Variants in CEBPG observed in about 807,000 individuals in gnomAD.
CEBPG encodes the protein CCAAT/enhancer-binding protein gamma.
CEBPG carries 6 observed loss-of-function variants against 11.1 expected under a neutral mutation model. The ratio of observed to expected loss-of-function variants is 0.54; its 90% CI spans 0.30 to 1.07. The LOEUF is 1.07. Among genes scored for constraint, CEBPG ranks in the 50% least tolerant of loss-of-function variants. The pLI is 0.07. For synonymous variants in CEBPG, 66 were observed against 71.0 expected (o/e 0.93, Z 0.36); for missense variants, 161 against 187.4 (o/e 0.86, Z 0.82).
chr19:33,377,026 C>A (rs2145310122), intron 1 of CEBPG, among the ~76,000 whole-genome samples: 1 of 152,320 alleles, frequency 6.6e-6, no homozygotes, highest in East Asian at 1.9e-4. Flanking sequence ...TCTTTTCAGG[C>A]CAAAGGGCTT....
chr19:33,374,762 T>G (rs781055028), intron 1 of CEBPG: 1 of 152,190 alleles, frequency 6.6e-6, no homozygotes, highest in Non-Finnish European at 1.5e-5. Flanking sequence ...CATCCTGAAA[T>G]GTATAAGATT....
intron 1 of CEBPG, among the ~76,000 whole-genome samples, chr19:33,377,335 A>G (rs988774654): frequency 6.6e-6 from 1 of 152,206 alleles, no homozygotes; most frequent in African/African-American, 2.4e-5. Flanking sequence ...CAGCCAAGAC[A>G]AGAACTGGCC....
Position 33,379,250 on chromosome 19 carries a change from T to TA in CEBPG, c.12dup (p.Ser5IlefsTer13). 1 of 1,540,862 alleles carries TA rather than the reference T, an allele frequency of 6.5e-7. No homozygotes were observed. Among genetic ancestry groups the TA allele is most frequent in the Non-Finnish European group, 8.7e-7 (1 of 1,144,044 alleles). ...AGGGAGAGTGCCCAAATGAGCAAGATATCGCAGCAAAACAGCACTCCAGGG... is the reference window on the plus strand; with the variant it reads ...AGGGAGAGTGCCCAAATGAGCAAGATAATCGCAGCAAAACAGCACTCCAGGG... On this transcript the variant is annotated frameshift_variant, in exon 2 of 2. Coordinates refer to ENST00000284000, the MANE Select transcript of CEBPG (RefSeq NM_001806.4).
rs1416187311 is a variant in CEBPG, at chr19:33,382,354, G to A, written c.*2662G>A. On this transcript the variant is annotated 3_prime_UTR_variant, in exon 2 of 2. Coordinates refer to ENST00000284000, the MANE Select transcript of CEBPG (RefSeq NM_001806.4). ...TCTCAAATTTACATAAAAAGTAGAAGTATAGACAGTTTAACATTTGGTATT... is the reference window on the plus strand; with the variant it reads ...TCTCAAATTTACATAAAAAGTAGAAATATAGACAGTTTAACATTTGGTATT... 2 of 167,118 alleles carry A rather than the reference G, an allele frequency of 1.2e-5. No individual in the cohort carries two copies. The highest frequency in any genetic ancestry group is 1.9e-4 in the East Asian group (1 of 5,204). 10.4% of individuals were successfully genotyped at this position (167,118 alleles called of 1,614,324 possible). A position where few individuals can be genotyped will look rare whatever the true frequency, so the allele number is the denominator to read the frequency against.
chr19:33,379,142 A>T lies in CEBPG; in HGVS notation c.-96-2A>T. On this transcript the variant is annotated splice_acceptor_variant, in intron 1 of 1. Coordinates refer to ENST00000284000, the MANE Select transcript of CEBPG (RefSeq NM_001806.4). LOFTEE classifies it low-confidence loss of function (5UTR_SPLICE). ...TTTTAATGCAATTTATTTTTTAACTAGGTACATGTGAAGATTTTTTGGCAG... is the reference window on the plus strand; with the variant it reads ...TTTTAATGCAATTTATTTTTTAACTTGGTACATGTGAAGATTTTTTGGCAG... 9.9e-7 allele frequency: 1 copy of T among 1,013,834 alleles called. No individual in the cohort carries two copies. The highest frequency in any genetic ancestry group is 1.4e-6 in the Non-Finnish European group (1 of 710,600). 62.8% of individuals were successfully genotyped at this position (1,013,834 alleles called of 1,614,324 possible). A position where few individuals can be genotyped will look rare whatever the true frequency, so the allele number is the denominator to read the frequency against.
chr19:33,381,039 ATTGTCT>A lies in CEBPG; in HGVS notation c.*1353_*1358del, dbSNP rs1433997864. ...GCTTACGTCAGTGTTGGTAGTTTAGATTGTCTTTGTCAACGTTTTTTCTTCTCTCTT... is the reference window on the plus strand; with the variant it reads ...GCTTACGTCAGTGTTGGTAGTTTAGATTGTCAACGTTTTTTCTTCTCTCTT... On this transcript the variant is annotated 3_prime_UTR_variant, in exon 2 of 2. Transcript: ENST00000284000. 6.0e-6 allele frequency: 1 copy of A among 166,910 alleles called. No individual in the cohort carries two copies. Among genetic ancestry groups the A allele is most frequent in the Admixed American group, 6.5e-5 (1 of 15,288 alleles). The allele number at this position is 166,910 out of a possible 1,614,324, so 10.3% of individuals were successfully genotyped here. A position where few individuals can be genotyped will look rare whatever the true frequency, so the allele number is the denominator to read the frequency against.
chr19:33,379,876 T>C lies in CEBPG; in HGVS notation c.*184T>C. 1 of 540,556 alleles carries C rather than the reference T, an allele frequency of 1.8e-6. No homozygotes were observed. The highest frequency in any genetic ancestry group is 3.3e-6 in the Non-Finnish European group (1 of 307,580). 33.5% of individuals were successfully genotyped at this position (540,556 alleles called of 1,614,324 possible). ...AAATGTTAGCCTTGTAATTCGAATATCTGGTTTTAAATGATAGAGGTTTTT... is the reference window on the plus strand; with the variant it reads ...AAATGTTAGCCTTGTAATTCGAATACCTGGTTTTAAATGATAGAGGTTTTT... On this transcript the variant is annotated 3_prime_UTR_variant, in exon 2 of 2. Coordinates refer to ENST00000284000, the MANE Select transcript of CEBPG (RefSeq NM_001806.4).
At chr19:33,378,858 A>G (rs1396841901) in intron 1 of CEBPG, among the ~76,000 whole-genome samples, 1 of 152,196 alleles carries the variant, frequency 6.6e-6, no homozygotes, top group Non-Finnish European at 1.5e-5. Context: ...TGCGCCACCT[A>G]ATTAGTGGAA....
In CEBPG at chr19:33,376,059, G is replaced by GT. The variant is rs968101243; in HGVS notation, c.-97+2174dup. Among the ~76,000 whole-genome samples the GT allele has an allele frequency of 1.5e-3, 228 of 149,584 alleles. 2 individuals are homozygous for GT. Among genetic ancestry groups the GT allele is most frequent in the African/African-American group, 4.9e-3 (201 of 40,732 alleles). On this transcript the variant is annotated intron_variant, in intron 1 of 1. Transcript: ENST00000284000. ...GATGGAGAGGAAGAGTAGATGGGAA[G>GT]TTTTTTTTTTGTTTGTTTTAGGTGG...
At chr19:33,375,606 ATGATGT>A (rs1235013982) in intron 1 of CEBPG, among the ~76,000 whole-genome samples, 1 of 152,126 alleles carries the variant, frequency 6.6e-6, no homozygotes, top group African/African-American at 2.4e-5. Flanking sequence ...GGTTAGAAAG[ATGATGT>A]TGATGTTCTT....
intron 1 of CEBPG, among the ~76,000 whole-genome samples, chr19:33,377,053 C>G (rs1234388738): frequency 2.6e-5 from 4 of 152,220 alleles, no homozygotes; most frequent in Middle Eastern, 3.2e-3. Context: ...AAAACCTCAC[C>G]TACCACACAC....
Position 33,379,255 on chromosome 19 carries a change from C to T in CEBPG, c.16C>T (p.Gln6Ter). 1.3e-6 allele frequency: 2 copies of T among 1,545,126 alleles called. No individual in the cohort carries two copies. Residue 6 changes from glutamine (Q) to a stop codon, truncating the protein, a stop_gained, in exon 2 of 2, where the codon CAG (glutamine) becomes TAG (stop). Transcript: ENST00000284000. LOFTEE classifies it high-confidence loss of function. ...GAGTGCCCAAATGAGCAAGATATCGCAGCAAAACAGCACTCCAGGGGTGAA... is the reference window on the plus strand; with the variant it reads ...GAGTGCCCAAATGAGCAAGATATCGTAGCAAAACAGCACTCCAGGGGTGAA... MSKIS[Q>*]QNSTPGVNGI...
rs1030624640 is a variant in CEBPG at position 33,373,889 on chromosome 19, G to A, written c.-103G>A. On this transcript the variant is annotated 5_prime_UTR_variant, in exon 1 of 2. Coordinates refer to ENST00000284000, the MANE Select transcript of CEBPG (RefSeq NM_001806.4). Reference sequence around the variant, plus strand: ...GCCGCCTGGGGGCAGGCGGGCTAGAGGAGCAGGTAAGGAGGCTGCGGCGGG... The same window carrying A: ...GCCGCCTGGGGGCAGGCGGGCTAGAAGAGCAGGTAAGGAGGCTGCGGCGGG... The A allele has an allele frequency of 5.3e-5, 8 of 151,886 alleles. No individual in the cohort carries two copies. Among genetic ancestry groups the A allele is most frequent in the African/African-American group, 1.7e-4 (7 of 41,364 alleles). The allele number at this position is 151,886 out of a possible 1,614,324, so 9.4% of individuals were successfully genotyped here. A position where few individuals can be genotyped will look rare whatever the true frequency, so the allele number is the denominator to read the frequency against.
rs994952572 is a variant in CEBPG at position 33,381,988 on chromosome 19, C to A, written c.*2296C>A. ...ATTTATCAGTATAAAATTAGGGAAA[C>A]CACGTGTGGGGAATGAATCAATTTA... On this transcript the variant is annotated 3_prime_UTR_variant, in exon 2 of 2. Coordinates refer to ENST00000284000, the MANE Select transcript of CEBPG (RefSeq NM_001806.4). 1 of 167,078 alleles carries A rather than the reference C, an allele frequency of 6.0e-6. No homozygotes were observed. Among genetic ancestry groups the A allele is most frequent in the African/African-American group, 2.4e-5 (1 of 41,454 alleles). The allele number at this position is 167,078 out of a possible 1,614,324, so 10.3% of individuals were successfully genotyped here. A position where few individuals can be genotyped will look rare whatever the true frequency, so the allele number is the denominator to read the frequency against.
intron 1 of CEBPG, among the ~76,000 whole-genome samples, chr19:33,376,433 A>G (rs556345798): frequency 3.9e-5 from 6 of 152,356 alleles, no homozygotes; most frequent in South Asian, 4.1e-4. Context: ...ATTCATTGGG[A>G]ATCAGCAGCA....
Position 33,379,355 on chromosome 19 carries a change from C to T in CEBPG, c.116C>T (p.Pro39Leu), listed in dbSNP as rs1430215713. Residue 39 changes from proline (P) to leucine (L), a missense_variant, in exon 2 of 2, where the codon CCT becomes CTT. Pro to Leu is a moderately conservative substitution (Grantham distance 98). Transcript: ENST00000284000. ...GTTCCTCAGCTGGTGCCTGCTGGCC[C>T]TGGGGGAGGAGGCAAAGCTGTGGCT... ...QQVPQLVPAG[P>L]GGGGKAVAPS... 4 of 1,613,804 alleles carry T rather than the reference C, an allele frequency of 2.5e-6. No individual in the cohort carries two copies. Among genetic ancestry groups the T allele is most frequent in the Middle Eastern group, 1.6e-4 (1 of 6,082 alleles).
At chr19:33,377,164 C>T (rs988663246) in intron 1 of CEBPG, among the ~76,000 whole-genome samples, 17 of 152,150 alleles carry the variant, frequency 1.1e-4, no homozygotes, top group African/African-American at 4.1e-4. Flanking sequence ...CGTTGCTGAA[C>T]GTGGACCCTG....
Position 33,380,080 on chromosome 19 carries a change from G to T in CEBPG, c.*388G>T. The T allele has an allele frequency of 5.6e-6, 1 of 177,338 alleles. No individual in the cohort carries two copies. Among genetic ancestry groups the T allele is most frequent in the Non-Finnish European group, 1.3e-5 (1 of 75,152 alleles). The allele number at this position is 177,338 out of a possible 1,614,324, so 11.0% of individuals were successfully genotyped here. A position where few individuals can be genotyped will look rare whatever the true frequency, so the allele number is the denominator to read the frequency against. ...TTGGTTTTAATGGATAGGCTGAATTGGATTAAGAAAAGTTGAATGCCACCT... is the reference window on the plus strand; with the variant it reads ...TTGGTTTTAATGGATAGGCTGAATTTGATTAAGAAAAGTTGAATGCCACCT... On this transcript the variant is annotated 3_prime_UTR_variant, in exon 2 of 2. Coordinates refer to ENST00000284000, the MANE Select transcript of CEBPG (RefSeq NM_001806.4).
chr19:33,375,100 C>A (rs1017113010), intron 1 of CEBPG, among the ~76,000 whole-genome samples: 1 of 152,190 alleles, frequency 6.6e-6, no homozygotes, highest in African/African-American at 2.4e-5. Flanking sequence ...CATATTTCAG[C>A]TTCTTGATTC....
Sources: allele counts gnomAD v4.1 joint callset (sites outside exome capture counted in the v4.1 genomes callset), GRCh38; gene constraint gnomAD v4.1.1; transcripts MANE v1.5; gene names NCBI Gene and HGNC (gene_info 2026-07-23, HGNC 2026-07-21).